DOCK3: variants seen among roughly 807,000 people sequenced by gnomAD.
DOCK3 encodes dedicator of cytokinesis protein 3.
Under a neutral mutation model 265.6 loss-of-function variants are expected in DOCK3, and 60 were observed. That is an observed-to-expected ratio of 0.23 (90% CI 0.18 to 0.28). DOCK3 has a LOEUF of 0.28. Among genes scored for constraint, DOCK3 ranks in the 10% least tolerant of loss-of-function variants. The pLI, the probability that DOCK3 is intolerant of heterozygous loss-of-function variation, is 1.00. For synonymous variants in DOCK3, 881 were observed against 938.0 expected, an observed-to-expected ratio of 0.94 and a Z score of 1.11; for missense variants, 1,981 against 2,594.3, an observed-to-expected ratio of 0.76 and a Z score of 5.14.
At chr3:50,938,898 T>A (rs7637920) in intron 5 of DOCK3, among the ~76,000 whole-genome samples, 8,156 of 147,896 alleles carry the variant, frequency 0.055, 702 homozygotes, top group African/African-American at 0.18. Context: ...AAAAAAAAAA[T>A]AATAATAATA....
chr3:51,194,040 T>C (rs1284517627), intron 12 of DOCK3, among the ~76,000 whole-genome samples: 3 of 152,142 alleles, frequency 2.0e-5, no homozygotes, highest in Non-Finnish European at 4.4e-5. Context: ...TAGGCATTTA[T>C]TACTATAAAA....
chr3:50,978,973 C>T (rs1260369443), intron 5 of DOCK3, among the ~76,000 whole-genome samples: 6 of 152,190 alleles, frequency 3.9e-5, no homozygotes, highest in Admixed American at 2.0e-4. Flanking sequence ...TTGCGCTTCC[C>T]GAGTGAGGCA....
At chr3:50,758,566 G>C (rs2040338291) in intron 1 of DOCK3, among the ~76,000 whole-genome samples, 1 of 152,158 alleles carries the variant, frequency 6.6e-6, no homozygotes, top group South Asian at 2.1e-4. Context: ...CAGTTCTGCA[G>C]CATCAAGTAC....
chr3:50,921,241 G>T (rs2050444244), intron 4 of DOCK3, among the ~76,000 whole-genome samples: 1 of 152,128 alleles, frequency 6.6e-6, no homozygotes, highest in Admixed American at 6.5e-5. Context: ...TGGAGGCTTT[G>T]TTCATTTCTT....
chr3:51,118,421 GA>G (rs1420211262), intron 9 of DOCK3, among the ~76,000 whole-genome samples: 1 of 152,172 alleles, frequency 6.6e-6, no homozygotes, highest in Non-Finnish European at 1.5e-5. Context: ...ATGCTGAGAA[GA>G]ATGTATATTC....
At chr3:50,969,444 C>A (rs1456206084) in intron 5 of DOCK3, among the ~76,000 whole-genome samples, 3 of 152,100 alleles carry the variant, frequency 2.0e-5, no homozygotes, top group African/African-American at 7.2e-5. Context: ...CAATATGTAT[C>A]ATTTAAATGG....
At chr3:51,027,611 C>T (rs926879572) in intron 5 of DOCK3, among the ~76,000 whole-genome samples, 3 of 152,052 alleles carry the variant, frequency 2.0e-5, no homozygotes, top group Non-Finnish European at 2.9e-5. Context: ...TTTTATAAAT[C>T]TGGGTGCTTT....
At chr3:51,281,973 G>A (rs948721665) in intron 27 of DOCK3, among the ~76,000 whole-genome samples, 9 of 152,156 alleles carry the variant, frequency 5.9e-5, no homozygotes, top group Admixed American at 1.3e-4. Flanking sequence ...GGGTGCACTC[G>A]CCAGCAGTCC....
intron 12 of DOCK3, among the ~76,000 whole-genome samples, chr3:51,168,858 T>C (rs1001923148): frequency 6.6e-6 from 1 of 151,454 alleles, no homozygotes; most frequent in African/African-American, 2.5e-5. Flanking sequence ...AAAGGTCCAA[T>C]ATCTAGCATT....
intron 7 of DOCK3, among the ~76,000 whole-genome samples, chr3:51,079,942 T>G (rs1232365922): frequency 2.0e-5 from 3 of 152,228 alleles, no homozygotes; most frequent in Admixed American, 6.5e-5. Flanking sequence ...TTATCATGTA[T>G]TGGGATTTGT....
Position 51,228,043 on chromosome 3 carries a change from T to C in DOCK3, c.1602T>C (p.Asp534=), listed in dbSNP as rs768625466. ...GFAFSTLMRD[D]GTTLSDDIHE... ...CATTCTCAACCCTGATGCGTGATGA[T>C]GGCACCACCCTCTCAGATGATATTC... Residue 534 remains aspartate, a synonymous_variant, in exon 17 of 53, where the codon GAT becomes GAC. Coordinates refer to ENST00000266037, the MANE Select transcript of DOCK3 (RefSeq NM_004947.5). 58 of 1,613,938 alleles carry C rather than the reference T, an allele frequency of 3.6e-5. 1 individual carries two copies. The highest frequency in any genetic ancestry group is 4.7e-5 in the Non-Finnish European group (56 of 1,179,902).
chr3:51,013,341 T>C (rs943762091), intron 5 of DOCK3, among the ~76,000 whole-genome samples: 2 of 152,172 alleles, frequency 1.3e-5, no homozygotes, highest in Non-Finnish European at 2.9e-5. Context: ...TTGGTGCGGA[T>C]GTCCTTTTTG....
intron 27 of DOCK3, among the ~76,000 whole-genome samples, chr3:51,282,805 A>G (rs1560348617): frequency 1.3e-5 from 2 of 152,202 alleles, no homozygotes. Flanking sequence ...AAAGTAGAAG[A>G]GGACAGAACA....
chr3:51,026,116 G>C lies in DOCK3; in HGVS notation c.316-38332G>C, dbSNP rs746492498. Among the ~76,000 whole-genome samples, 15 of 152,064 alleles carry C rather than the reference G, an allele frequency of 9.9e-5. 1 individual carries two copies. Among genetic ancestry groups the C allele is most frequent in the Admixed American group, 9.8e-4 (15 of 15,274 alleles). ...CTGACCTTCCAAGTGGGAGAGGCAA[G>C]CTAACACTGCCTCCAATCTGCCATT... On this transcript the variant is annotated intron_variant, in intron 5 of 52. Transcript: ENST00000266037.
intron 52 of DOCK3, 71 bp downstream of exon 52, chr3:51,380,278 G>T: frequency 7.1e-7 from 1 of 1,416,508 alleles, no homozygotes; most frequent in East Asian, 2.4e-5. Context: ...AACCACCCTT[G>T]GGGTCTACAG....
intron 22 of DOCK3, among the ~76,000 whole-genome samples, chr3:51,252,843 A>G (rs4974100): frequency 0.073 from 11,168 of 152,220 alleles, 1,003 homozygotes; most frequent in East Asian, 0.32. Context: ...TCCTAATTCA[A>G]TACCCTTTAT....
chr3:51,376,396 C>T (rs1457212469), intron 51 of DOCK3, among the ~76,000 whole-genome samples: 2 of 152,232 alleles, frequency 1.3e-5, no homozygotes, highest in Non-Finnish European at 2.9e-5. Flanking sequence ...TATTGCAAGG[C>T]CACCAACCAT....
chr3:50,730,244 C>T lies in DOCK3; in HGVS notation c.38-48431C>T, dbSNP rs183415014. Among the ~76,000 whole-genome samples, 353 of 151,290 alleles carry T rather than the reference C, an allele frequency of 2.3e-3. 3 individuals are homozygous for T. The highest frequency in any genetic ancestry group is 6.8e-3 in the African/African-American group (280 of 41,236). On this transcript the variant is annotated intron_variant, in intron 1 of 52. Transcript: ENST00000266037. The stretch of plus-strand genomic sequence containing the variant: ...GCAACCTCTGCCTCTCAGGTTCAAG[C>T]GATTCTCCTGCCTCAGCCTCCCAAG...
intron 5 of DOCK3, among the ~76,000 whole-genome samples, chr3:51,056,220 G>C (rs2081196283): frequency 6.6e-6 from 1 of 151,892 alleles, no homozygotes; most frequent in Non-Finnish European, 1.5e-5. Context: ...TAGATTCCTG[G>C]GTTTAAAGGT....
Sources: gnomAD v4.1 joint callset for allele counts (sites outside exome capture counted in the v4.1 genomes callset) on GRCh38, gnomAD v4.1.1 for gene constraint, MANE v1.5 for transcripts, NCBI Gene and HGNC (gene_info 2026-07-23, HGNC 2026-07-21) for gene names.